MAX: variants seen among roughly 807,000 people sequenced by gnomAD.
MAX encodes MYC associated transcriptional regulator X, also known as protein max.
A neutral mutation model predicts 22.3 loss-of-function variants in MAX; 3 were observed. The ratio of observed to expected loss-of-function variants is 0.13; its 90% CI spans 0.06 to 0.35. The LOEUF (loss-of-function observed/expected upper bound fraction) is 0.35. MAX is among the 10% of genes least tolerant of loss of function. The pLI is 1.00. For synonymous variants in MAX, 72 were observed against 77.7 expected, an observed-to-expected ratio of 0.93 and a Z score of 0.39; for missense variants, 119 against 209.4, an observed-to-expected ratio of 0.57 and a Z score of 2.66.
chr14:65,086,398 A>C (rs1032241386), intron 3 of MAX, among the ~76,000 whole-genome samples: 5 of 152,214 alleles, frequency 3.3e-5, no homozygotes, highest in African/African-American at 1.2e-4. Flanking sequence ...GGAAAGTTTC[A>C]AACTTCCTAA....
At chr14:65,015,461 T>A in intron 3 of MAX, 2 of 280,742 alleles carry the variant, frequency 7.1e-6, no homozygotes, top group Non-Finnish European at 1.4e-5. Flanking sequence ...AGCTCCTGGC[T>A]AAGGCCACAA....
chr14:65,023,559 A>C lies in MAX; in HGVS notation c.172-17275T>G, dbSNP rs184932806. 3.3e-5 allele frequency among the ~76,000 whole-genome samples: 5 copies of C among 152,298 alleles called. No individual in the cohort carries two copies. In the East Asian group the frequency reaches 9.6e-4, roughly 29 times the overall value. On this transcript the variant is annotated intron_variant, in intron 3 of 3. Transcript: ENST00000341653. This position sits in a 1 kb window ranked among gnomAD's most constrained non-coding sequence, Gnocchi z 4.1. Reference sequence around the variant, plus strand: ...TAATGAAAATGTTCTATATTCTGTAAATGTCTATAGGTGTCTATAAACATC... The same window carrying C: ...TAATGAAAATGTTCTATATTCTGTACATGTCTATAGGTGTCTATAAACATC...
intron 3 of MAX, among the ~76,000 whole-genome samples, chr14:65,087,100 A>C (rs1410570788): frequency 6.6e-6 from 1 of 152,200 alleles, no homozygotes; most frequent in Non-Finnish European, 1.5e-5. Flanking sequence ...GAGTGAACAG[A>C]AGTCAAGAAT....
chr14:65,031,408 C>T lies in MAX; in HGVS notation c.172-25124G>A, dbSNP rs934643272. ...TCTTGGCTCACTGCAACCCCCGCCT[C>T]CCGGGTTCAAGTGGTTCTCCTGCCT... On this transcript the variant is annotated intron_variant, in intron 3 of 3. Coordinates refer to the MAX transcript ENST00000341653. This position sits in a 1 kb window ranked among gnomAD's most constrained non-coding sequence, Gnocchi z 4.6. Among the ~76,000 whole-genome samples the T allele has an allele frequency of 1.3e-5, 2 of 151,824 alleles. No homozygotes were observed. Among genetic ancestry groups the T allele is most frequent in the Non-Finnish European group, 2.9e-5 (2 of 67,920 alleles).
Position 65,030,227 on chromosome 14 carries a change from TAGAC to T in MAX, c.172-23947_172-23944del, listed in dbSNP as rs2062053568. Among the ~76,000 whole-genome samples the T allele has an allele frequency of 6.6e-5, 10 of 152,198 alleles. No individual in the cohort carries two copies. In the South Asian group the frequency reaches 1.9e-3, roughly 28 times the overall value. On this transcript the variant is annotated intron_variant, in intron 3 of 3. Coordinates refer to the MAX transcript ENST00000341653. This position sits in a 1 kb window ranked among gnomAD's most constrained non-coding sequence, Gnocchi z 4.5. ...AAGAGGCCTACAATTGCAAGGAAAT[TAGAC>T]AGATCTTCAAAATTAGCTGCTGGTA...
chr14:65,049,728 T>A (rs2062564855), intron 3 of MAX, among the ~76,000 whole-genome samples: 1 of 152,186 alleles, frequency 6.6e-6, no homozygotes, highest in Admixed American at 6.5e-5. Context: ...ATGAAATATA[T>A]GTACATTTTG....
At chr14:65,021,056 T>C (rs956794279) in intron 3 of MAX, among the ~76,000 whole-genome samples, 1 of 152,190 alleles carries the variant, frequency 6.6e-6, no homozygotes, top group African/African-American at 2.4e-5. Context: ...AGAGGTTATA[T>C]GCACACATTT....
intron 3 of MAX, among the ~76,000 whole-genome samples, chr14:65,015,233 G>A (rs576855490): frequency 1.3e-4 from 20 of 151,616 alleles, no homozygotes; most frequent in African/African-American, 4.6e-4. Context: ...CTCCCAAGTC[G>A]CTGGGATTAC....
rs1566868238 is a variant in MAX at position 65,011,356 on chromosome 14, G to T, written c.172-5072C>A. On this transcript the variant is annotated intron_variant, in intron 3 of 3. Coordinates refer to the MAX transcript ENST00000341653. The surrounding 1 kb of genome is among the most constrained non-coding windows in gnomAD (Gnocchi z 4.0). ...AGGCAGGAGAATAGCTTGAACCCAA[G>T]AGGTGGAGGTTGCAGTAAGCTGAAA... Among the ~76,000 whole-genome samples, 1 of 150,076 alleles carries T rather than the reference G, an allele frequency of 6.7e-6. No individual in the cohort carries two copies. The highest frequency in any genetic ancestry group is 2.5e-5 in the African/African-American group (1 of 40,716).
intron 3 of MAX, among the ~76,000 whole-genome samples, chr14:65,065,423 A>AG (rs1259370933): frequency 3.9e-5 from 6 of 152,212 alleles, no homozygotes; most frequent in African/African-American, 1.2e-4. Flanking sequence ...AAAAGCAGTC[A>AG]GGTGATCTCG....
At chr14:65,083,843 A>C in intron 3 of MAX, 1 of 1,192,770 alleles carries the variant, frequency 8.4e-7, no homozygotes, top group African/African-American at 1.5e-5. Flanking sequence ...ATATGAAGGT[A>C]AAGGGAGGGC....
chr14:65,074,516 T>G (rs767821318), downstream of MAX, among the ~76,000 whole-genome samples: 1 of 152,202 alleles, frequency 6.6e-6, no homozygotes, highest in Non-Finnish European at 1.5e-5. Context: ...TGACTTGACT[T>G]CCTCTCTGGG....
Position 65,029,341 on chromosome 14 carries a change from G to A in MAX, c.172-23057C>T, listed in dbSNP as rs2139580029. Among the ~76,000 whole-genome samples, 1 of 152,272 alleles carries A rather than the reference G, an allele frequency of 6.6e-6. No individual in the cohort carries two copies. The highest frequency in any genetic ancestry group is 1.5e-5 in the Non-Finnish European group (1 of 68,030). ...GCCAGTCCTCAGGAGTGCTTGTTTG[G>A]GTGGATTTGACTTGGAGAAAAGCAG... On this transcript the variant is annotated intron_variant, in intron 3 of 3. Transcript: ENST00000341653. The surrounding 1 kb of genome is among the most constrained non-coding windows in gnomAD (Gnocchi z 4.7).
At chr14:65,068,910 G>C (rs927049867) in intron 3 of MAX, among the ~76,000 whole-genome samples, 2 of 152,116 alleles carry the variant, frequency 1.3e-5, no homozygotes, top group African/African-American at 2.4e-5. Context: ...TGGGCTGATG[G>C]GACAAAGGAG....
intron 3 of MAX, among the ~76,000 whole-genome samples, chr14:65,017,276 T>C (rs1489629737): frequency 6.6e-6 from 1 of 152,146 alleles, no homozygotes. Flanking sequence ...TGGGAAGTTT[T>C]CCCTTCACTC....
At chr14:65,061,323 T>A in intron 3 of MAX, 1 of 1,613,238 alleles carries the variant, frequency 6.2e-7, no homozygotes, top group Non-Finnish European at 8.5e-7. Flanking sequence ...AGGACCTGGG[T>A]CCCGGCAGCT....
At chr14:65,095,531 T>G (rs1413241203) in intron 2 of MAX, among the ~76,000 whole-genome samples, 1 of 152,212 alleles carries the variant, frequency 6.6e-6, no homozygotes, top group East Asian at 1.9e-4. Flanking sequence ...AAGTATCTAG[T>G]CCTTTTGAAC....
At chr14:65,022,277 T>C (rs1346495949) in intron 3 of MAX, 2 of 314,072 alleles carry the variant, frequency 6.4e-6, no homozygotes, top group Admixed American at 4.3e-5. Flanking sequence ...CTGTAATCTT[T>C]TTTTCTGTTT....
rs1431909150 is a variant in MAX, at chr14:65,011,987, G to C, written c.172-5703C>G. 6.6e-6 allele frequency among the ~76,000 whole-genome samples: 1 copy of C among 152,190 alleles called. No individual in the cohort carries two copies. Among genetic ancestry groups the C allele is most frequent in the Non-Finnish European group, 1.5e-5 (1 of 68,034 alleles). On this transcript the variant is annotated intron_variant, in intron 3 of 3. Coordinates refer to the MAX transcript ENST00000341653. The surrounding 1 kb of genome is among the most constrained non-coding windows in gnomAD (Gnocchi z 4.0). ...CAAAGATATCTGTTCTTAGATGCTGGAGGAAGTTTCTGGGTGGACTGTCAT... is the reference window on the plus strand; with the variant it reads ...CAAAGATATCTGTTCTTAGATGCTGCAGGAAGTTTCTGGGTGGACTGTCAT...
Sources: gnomAD v4.1 joint callset for allele counts (sites outside exome capture counted in the v4.1 genomes callset) on GRCh38, gnomAD v4.1.1 for gene constraint, Gnocchi (gnomAD v3.1) non-coding constraint, MANE v1.5 for transcripts, NCBI Gene and HGNC (gene_info 2026-07-23, HGNC 2026-07-21) for gene names.